The following TFDP2 variants were observed in gnomAD, a reference collection of about 807,000 sequenced individuals.
The protein encoded by TFDP2 is transcription factor Dp-2, also known as transcription factor Dp-2 (E2F dimerization partner 2).
A neutral mutation model predicts 59.3 loss-of-function variants in TFDP2; 17 were observed. The ratio of observed to expected loss-of-function variants is 0.29; its 90% confidence interval spans 0.20 to 0.43. The LOEUF is 0.43. Among genes scored for constraint, TFDP2 ranks in the 20% least tolerant of loss-of-function variants. TFDP2 has a pLI of 1.00. For missense variants in TFDP2, 391 were observed against 528.8 expected (o/e 0.74, Z 2.56); for synonymous variants, 180 against 194.7 (o/e 0.92, Z 0.63).
chr3:142,057,014 A>G (rs1238324955), intron 3 of TFDP2, among the ~76,000 whole-genome samples: 1 of 152,244 alleles, frequency 6.6e-6, no homozygotes, highest in Non-Finnish European at 1.5e-5. Flanking sequence ...AATAGGAAGT[A>G]ATGCCCTGCT....
At chr3:142,086,452 G>A (rs895753522) in intron 3 of TFDP2, among the ~76,000 whole-genome samples, 6 of 152,190 alleles carry the variant, frequency 3.9e-5, no homozygotes, top group Non-Finnish European at 7.4e-5. Context: ...ACTCAGGTTC[G>A]ATTAATTTGC....
intron 3 of TFDP2, among the ~76,000 whole-genome samples, chr3:142,041,914 C>T (rs1317896147): frequency 1.3e-5 from 2 of 152,166 alleles, no homozygotes; most frequent in African/African-American, 4.8e-5. Context: ...GTTGAAAAAA[C>T]CCATTCTTCC....
Position 142,118,073 on chromosome 3 carries a change from G to A in TFDP2, c.-92-16232C>T, listed in dbSNP as rs182096034. On this transcript the variant is annotated intron_variant, in intron 1 of 12. Coordinates refer to ENST00000489671, the MANE Select transcript of TFDP2 (RefSeq NM_001178139.2). ...AGATCGCACCACTGCACTCCAGCCT[G>A]GGTGACAGAGTGAGACCTTGTCTCA... Among the ~76,000 whole-genome samples, 124 of 152,282 alleles carry A rather than the reference G, an allele frequency of 8.1e-4. 1 individual carries two copies. Among genetic ancestry groups the A allele is most frequent in the African/African-American group, 2.9e-3 (119 of 41,562 alleles).
intron 3 of TFDP2, among the ~76,000 whole-genome samples, chr3:142,029,689 G>A (rs981613140): frequency 2.6e-5 from 4 of 152,080 alleles, no homozygotes; most frequent in African/African-American, 9.7e-5. Flanking sequence ...AAGCAACTGA[G>A]ATAAAATTTT....
At position 141,946,798 on chromosome 3, in the gene TFDP2, G is replaced by C. The variant is rs1164918126; in HGVS notation, c.*5715C>G. ...TAATCCCAGCACTTTGGGAGGCCGA[G>C]GCAGGCAGATCACATGGTTAGAAGT... is the stretch of plus-strand genomic sequence containing the variant. On this transcript the variant is annotated 3_prime_UTR_variant, in exon 13 of 13. Transcript: ENST00000489671. 1 of 152,232 alleles carries C rather than the reference G, an allele frequency of 6.6e-6. No homozygotes were observed. Among genetic ancestry groups the C allele is most frequent in the South Asian group, 2.1e-4 (1 of 4,832 alleles). The allele number at this position is 152,232 out of a possible 1,614,324, so 9.4% of individuals were successfully genotyped here.
At chr3:141,997,722 C>T (rs953645617) in intron 4 of TFDP2, among the ~76,000 whole-genome samples, 3 of 151,440 alleles carry the variant, frequency 2.0e-5, no homozygotes, top group African/African-American at 7.3e-5. Flanking sequence ...TGGGGGTGGG[C>T]ACCTATAATC....
chr3:142,010,966 A>G lies in TFDP2; in HGVS notation c.83-5422T>C, dbSNP rs1172837748. 6.4e-5 allele frequency among the ~76,000 whole-genome samples: 7 copies of G among 110,164 alleles called. No homozygotes were observed. In the East Asian group the frequency reaches 1.8e-3, roughly 28 times the overall value. 72.3% of individuals were successfully genotyped at this position (110,164 alleles called of 152,430 possible). ...CAGGTGCTGGAGAGGATGTGGAGAAATAGGAACACTTTTACACTGTTGGTG... is the reference window on the plus strand; with the variant it reads ...CAGGTGCTGGAGAGGATGTGGAGAAGTAGGAACACTTTTACACTGTTGGTG... On this transcript the variant is annotated intron_variant, in intron 3 of 12. Transcript: ENST00000489671.
chr3:141,947,470 A>T lies in TFDP2; in HGVS notation c.*5043T>A, dbSNP rs73872514. 1.3e-5 allele frequency: 2 copies of T among 152,054 alleles called. No homozygotes were observed. The highest frequency in any genetic ancestry group is 2.9e-5 in the Non-Finnish European group (2 of 68,044). The allele number at this position is 152,054 out of a possible 1,614,324, so 9.4% of individuals were successfully genotyped here. A position where few individuals can be genotyped will look rare whatever the true frequency, so the allele number is the denominator to read the frequency against. On this transcript the variant is annotated 3_prime_UTR_variant, in exon 13 of 13. Coordinates refer to ENST00000489671, the MANE Select transcript of TFDP2 (RefSeq NM_001178139.2). ...TGCTCTGTCACCTGGGCTGGAGTGC[A>T]GTGGCGGGATCTTGGCTCACTGCAA...
intron 9 of TFDP2, among the ~76,000 whole-genome samples, chr3:141,969,512 C>T (rs954758978): frequency 6.6e-6 from 1 of 151,584 alleles, no homozygotes; most frequent in Non-Finnish European, 1.5e-5. Context: ...ACTTGGGAGG[C>T]TGAGGCAGAG....
intron 2 of TFDP2, among the ~76,000 whole-genome samples, chr3:142,099,678 C>A (rs1423475883): frequency 2.1e-5 from 3 of 143,464 alleles, no homozygotes; most frequent in Admixed American, 7.2e-5. Context: ...CCAGCCCGGG[C>A]AACAGAGCAA....
intron 3 of TFDP2, chr3:142,043,504 C>T (rs1340803783): frequency 3.9e-5 from 19 of 483,336 alleles, no homozygotes; most frequent in Non-Finnish European, 7.1e-5. Flanking sequence ...GCTGGGATTA[C>T]AGGCGCATGC....
At chr3:142,015,608 C>T (rs1945071469) in intron 3 of TFDP2, among the ~76,000 whole-genome samples, 1 of 152,142 alleles carries the variant, frequency 6.6e-6, no homozygotes, top group African/African-American at 2.4e-5. Flanking sequence ...ACTCTGGTCC[C>T]GGCCAACATC....
intron 3 of TFDP2, among the ~76,000 whole-genome samples, chr3:142,058,851 T>C (rs867277757): frequency 8.2e-4 from 125 of 152,270 alleles, no homozygotes; most frequent in African/African-American, 2.9e-3. Flanking sequence ...GATTAAATCA[T>C]GGCCATTGGT....
chr3:141,995,384 T>C (rs1358624907), intron 4 of TFDP2, among the ~76,000 whole-genome samples: 2 of 152,060 alleles, frequency 1.3e-5, no homozygotes, highest in African/African-American at 2.4e-5. Context: ...AAATGGCAAT[T>C]TGGAAGGATT....
intron 11 of TFDP2, among the ~76,000 whole-genome samples, chr3:141,958,056 TG>T (rs1027279832): frequency 2.0e-5 from 3 of 152,288 alleles, no homozygotes; most frequent in African/African-American, 7.2e-5. Flanking sequence ...TCTACTCTGC[TG>T]GGGAACGTGT....
chr3:142,052,382 A>G (rs1241286384), intron 3 of TFDP2, among the ~76,000 whole-genome samples: 1 of 150,574 alleles, frequency 6.6e-6, no homozygotes, highest in East Asian at 2.0e-4. Flanking sequence ...CTAAAAAAAA[A>G]AAATACAAAA....
intron 3 of TFDP2, among the ~76,000 whole-genome samples, chr3:142,010,628 AAC>A (rs1553775140): frequency 0.052 from 7,621 of 147,532 alleles, 276 homozygotes; most frequent in Non-Finnish European, 0.084. Flanking sequence ...AAAAAAAAAA[AAC>A]CTACCATCAG....
chr3:142,130,645 T>C (rs2062466760), intron 1 of TFDP2, among the ~76,000 whole-genome samples: 1 of 152,086 alleles, frequency 6.6e-6, no homozygotes, highest in South Asian at 2.1e-4. Context: ...GGAATTATTG[T>C]TTAATTGGTA....
At chr3:142,045,053 T>C (rs1373002710) in intron 3 of TFDP2, among the ~76,000 whole-genome samples, 4 of 152,144 alleles carry the variant, frequency 2.6e-5, no homozygotes, top group Admixed American at 6.6e-5. Context: ...ATAAAGAAAA[T>C]ACCATCTAAT....
Sources: gnomAD v4.1 joint callset for allele counts (sites outside exome capture counted in the v4.1 genomes callset) on GRCh38, gnomAD v4.1.1 for gene constraint, MANE v1.5 for transcripts, NCBI Gene and HGNC (gene_info 2026-07-23, HGNC 2026-07-21) for gene names.